PRUNE2: variants seen among roughly 807,000 people sequenced by gnomAD.
The protein encoded by PRUNE2 is prune homolog 2 with BCH domain.
A neutral mutation model predicts 252.0 loss-of-function variants in PRUNE2; 164 were observed. The ratio of observed to expected loss-of-function variants is 0.65; its 90% CI spans 0.57 to 0.74. PRUNE2 has a LOEUF of 0.74. Among genes scored for constraint, PRUNE2 ranks in the 30% least tolerant of loss-of-function variants. PRUNE2 has a pLI of 0.00. For synonymous variants in PRUNE2, 1,292 were observed against 1,350.2 expected, an observed-to-expected ratio of 0.96 and a Z score of 0.94; for missense variants, 3,495 against 3,711.0, an observed-to-expected ratio of 0.94 and a Z score of 1.51.
At chr9:76,770,732 C>T (rs2130930511) in intron 6 of PRUNE2, among the ~76,000 whole-genome samples, 1 of 152,144 alleles carries the variant, frequency 6.6e-6, no homozygotes, top group South Asian at 2.1e-4. Flanking sequence ...TGTTTTTTAA[C>T]CAAGAGCAGC....
At chr9:76,820,951 A>T (rs1002758454) in intron 6 of PRUNE2, among the ~76,000 whole-genome samples, 2 of 152,230 alleles carry the variant, frequency 1.3e-5, no homozygotes, top group African/African-American at 4.8e-5. Flanking sequence ...TTTACTAAGC[A>T]TCTACTATGT....
At chr9:76,837,374 A>G (rs11145094) in intron 4 of PRUNE2, among the ~76,000 whole-genome samples, 23,578 of 151,414 alleles carry the variant, frequency 0.16, 2,113 homozygotes, top group East Asian at 0.23. Context: ...CCCGGGAGGC[A>G]GAGATTGCAG....
At chr9:76,769,611 G>GA (rs2052864433) in intron 6 of PRUNE2, among the ~76,000 whole-genome samples, 1 of 152,174 alleles carries the variant, frequency 6.6e-6, no homozygotes, top group Admixed American at 6.5e-5. Flanking sequence ...TTTTAGTAGA[G>GA]ATGGGGTTTC....
intron 18 of PRUNE2, among the ~76,000 whole-genome samples, chr9:76,617,435 G>A (rs757899568): frequency 9.2e-5 from 14 of 151,806 alleles, no homozygotes; most frequent in Non-Finnish European, 1.6e-4. Flanking sequence ...ATGGCCTACA[G>A]TGTAAAGGTG....
Position 76,826,661 on chromosome 9 carries a change from T to C in PRUNE2, c.580A>G (p.Ile194Val). 1 of 1,612,220 alleles carries C rather than the reference T, an allele frequency of 6.2e-7. No individual in the cohort carries two copies. Among genetic ancestry groups the C allele is most frequent in the Non-Finnish European group, 8.5e-7 (1 of 1,178,780 alleles). ...ISEKQEEILS[I>V]LEEKFPNLPP... ...AAGTTAGGAAATTTTTCTTCCAGGATAGAAAGAATTTCCTCCTGCTTCTCT... is the reference window on the plus strand; with the variant it reads ...AAGTTAGGAAATTTTTCTTCCAGGACAGAAAGAATTTCCTCCTGCTTCTCT... The change falls in exon 5 of 19, where the codon ATC becomes GTC. Residue 194 changes from isoleucine (I) to valine (V), a missense_variant. Transcript: ENST00000376718.
rs1202943922 is a variant in PRUNE2, at chr9:76,731,322, ATATTTT to A, written c.757-17607_757-17602del. 2.8e-4 allele frequency among the ~76,000 whole-genome samples: 28 copies of A among 101,508 alleles called. 1 individual carries two copies. Among genetic ancestry groups the A allele is most frequent in the African/African-American group, 1.1e-3 (27 of 23,630 alleles). The allele number at this position is 101,508 out of a possible 152,430, so 66.6% of individuals were successfully genotyped here. A position where few individuals can be genotyped will look rare whatever the true frequency, so the allele number is the denominator to read the frequency against. ...TCTATCTATCTATCTATATATATAT[ATATTTT>A]TTTTTTTTTTTTGAGACAGGGTATT... On this transcript the variant is annotated intron_variant, in intron 6 of 18. Transcript: ENST00000376718.
At chr9:76,745,191 C>T (rs1366868645) in intron 6 of PRUNE2, among the ~76,000 whole-genome samples, 3 of 152,142 alleles carry the variant, frequency 2.0e-5, no homozygotes, top group Admixed American at 6.5e-5. Flanking sequence ...AATTATTCCT[C>T]GGTTTAGGCC....
intron 6 of PRUNE2, among the ~76,000 whole-genome samples, chr9:76,803,280 C>T (rs919521337): frequency 2.0e-5 from 3 of 152,108 alleles, no homozygotes; most frequent in Admixed American, 6.6e-5. Flanking sequence ...TTTACAAAGA[C>T]GCAAATACCT....
chr9:76,715,347 C>T (rs529731888), intron 6 of PRUNE2, among the ~76,000 whole-genome samples: 1 of 152,322 alleles, frequency 6.6e-6, no homozygotes, highest in South Asian at 2.1e-4. Context: ...CTGAAGAGGG[C>T]ACACAAGACC....
intron 3 of PRUNE2, 102 bp downstream of exon 3, chr9:76,850,361 A>T: frequency 1.1e-6 from 1 of 904,226 alleles, no homozygotes; most frequent in Non-Finnish European, 1.7e-6. Context: ...CTCTGCTTTT[A>T]ATACATCTGC....
intron 1 of PRUNE2, among the ~76,000 whole-genome samples, chr9:76,899,315 T>C (rs1651095760): frequency 6.6e-6 from 1 of 152,212 alleles, no homozygotes; most frequent in South Asian, 2.1e-4. Context: ...CCAATATTTA[T>C]AGATCCCAAG....
intron 6 of PRUNE2, among the ~76,000 whole-genome samples, chr9:76,731,829 C>G (rs1395210736): frequency 1.3e-5 from 2 of 152,140 alleles, no homozygotes; most frequent in Non-Finnish European, 2.9e-5. Context: ...TGAACAAACT[C>G]ATGTATTATT....
rs1182923374 is a variant in PRUNE2, at chr9:76,633,087, T to TG, written c.9050+3383dup. On this transcript the variant is annotated intron_variant, in intron 15 of 18. Coordinates refer to ENST00000376718, the MANE Select transcript of PRUNE2 (RefSeq NM_015225.3). Reference sequence around the variant, plus strand: ...AAATACAAAAATTAGCCAGGTGTGGTGGCACATGCCTGTAATCCCAGCTAC... The same window carrying TG: ...AAATACAAAAATTAGCCAGGTGTGGTGGGCACATGCCTGTAATCCCAGCTAC... Among the ~76,000 whole-genome samples, 4 of 152,124 alleles carry TG rather than the reference T, an allele frequency of 2.6e-5. No homozygotes were observed. In the East Asian group the frequency reaches 7.8e-4, roughly 30 times the overall value.
At chr9:76,873,056 C>T (rs2061306171) in intron 1 of PRUNE2, among the ~76,000 whole-genome samples, 1 of 152,014 alleles carries the variant, frequency 6.6e-6, no homozygotes, top group Non-Finnish European at 1.5e-5. Flanking sequence ...CATCCACAAA[C>T]CAAGGATCAT....
At chr9:76,836,747 C>G (rs531418656) in intron 4 of PRUNE2, among the ~76,000 whole-genome samples, 31 of 152,282 alleles carry the variant, frequency 2.0e-4, no homozygotes, top group African/African-American at 7.5e-4. Flanking sequence ...TTAAATCCCC[C>G]ACAAAGCCTG....
At chr9:76,804,150 A>G (rs531534311) in intron 6 of PRUNE2, among the ~76,000 whole-genome samples, 5 of 151,160 alleles carry the variant, frequency 3.3e-5, no homozygotes, top group South Asian at 4.2e-4. Context: ...ACAGCCACCT[A>G]TTCTACACCC....
At chr9:76,736,355 G>T (rs1004981338) in intron 6 of PRUNE2, 1 of 152,180 alleles carries the variant, frequency 6.6e-6, no homozygotes. Context: ...AAAGAAAGAG[G>T]AAGTTCCAGT....
At chr9:76,661,876 T>G (rs1851577773) in intron 9 of PRUNE2, among the ~76,000 whole-genome samples, 1 of 127,190 alleles carries the variant, frequency 7.9e-6, no homozygotes, top group African/African-American at 2.8e-5. Context: ...AAAAACACAG[T>G]TTTTTTTTTT....
At chr9:76,889,929 C>G (rs529481983) in intron 1 of PRUNE2, among the ~76,000 whole-genome samples, 2 of 152,192 alleles carry the variant, frequency 1.3e-5, no homozygotes, top group Admixed American at 1.3e-4. Flanking sequence ...GGGTTCTACC[C>G]CAAAGTGTAC....
Sources: gnomAD v4.1 joint callset for allele counts (sites outside exome capture counted in the v4.1 genomes callset) on GRCh38, gnomAD v4.1.1 for gene constraint, MANE v1.5 for transcripts, NCBI Gene and HGNC (gene_info 2026-07-23, HGNC 2026-07-21) for gene names.